The following SERPINA4 variants were observed in gnomAD, a reference collection of about 807,000 sequenced individuals.
SERPINA4 encodes the protein serpin family A member 4, also known as kallistatin.
SERPINA4 carries 24 observed loss-of-function variants against 25.4 expected under a neutral mutation model. The ratio of observed to expected loss-of-function variants is 0.95; its 90% CI spans 0.69 to 1.33. SERPINA4 has a LOEUF of 1.33. SERPINA4 is among the 40% of genes most tolerant of loss of function. SERPINA4 has a pLI of 0.00. For synonymous variants in SERPINA4, 242 were observed against 223.6 expected, an observed-to-expected ratio of 1.08 and a Z score of -0.73; for missense variants, 553 against 535.8, an observed-to-expected ratio of 1.03 and a Z score of -0.32.
chr14:94,569,445 A>T lies in SERPINA4; in HGVS notation c.1134A>T (p.Ala378=), dbSNP rs763980071. Residue 378 remains alanine, a synonymous_variant, in exon 5 of 5, where the codon GCA becomes GCT. Transcript: ENST00000557004. Reference sequence around the variant, plus strand: ...TGGATGAGGCTGGCACCGAGGCTGCAGCAGCCACCAGCTTCGCGATCAAAT... The same window carrying T: ...TGGATGAGGCTGGCACCGAGGCTGCTGCAGCCACCAGCTTCGCGATCAAAT... ...LDVDEAGTEA[A]AATSFAIKFF... is the part of the protein sequence containing the mutation. 7.6e-5 allele frequency: 123 copies of T among 1,614,074 alleles called. No homozygotes were observed. The highest frequency in any genetic ancestry group is 2.0e-4 in the Admixed American group (12 of 60,008).
intron 2 of SERPINA4, among the ~76,000 whole-genome samples, chr14:94,566,241 G>A (rs1042496038): frequency 6.6e-6 from 1 of 152,226 alleles, no homozygotes; most frequent in Non-Finnish European, 1.5e-5. Flanking sequence ...GCACCCAGCA[G>A]CTGAATGTGG....
At chr14:94,564,340 A>T (rs1380133217) in intron 2 of SERPINA4, among the ~76,000 whole-genome samples, 2 of 152,224 alleles carry the variant, frequency 1.3e-5, no homozygotes, top group African/African-American at 2.4e-5. Flanking sequence ...ATCTTTAGAC[A>T]TATTTTCTTC....
chr14:94,563,563 T>C lies in SERPINA4; in HGVS notation c.81T>C (p.Asp27=), dbSNP rs776596227. 3.7e-6 allele frequency: 6 copies of C among 1,613,984 alleles called. No homozygotes were observed. The African/African-American group carries it at 6.7e-5, about 18-fold the overall frequency. ...LSHGQLHVEH[D]GESCSNSSHQ... is the part of the protein sequence containing the mutation. ...ATGGCCAGCTGCACGTTGAGCATGA[T>C]GGTGAGAGTTGCAGTAACAGCTCCC... is the stretch of plus-strand genomic sequence containing the variant. Residue 27 remains aspartate (D), a synonymous_variant, in exon 2 of 5, where the codon GAT becomes GAC. Transcript: ENST00000557004.
rs1368854290 is a variant in SERPINA4, at chr14:94,567,085, T to A, written c.765T>A (p.Tyr255Ter). The change falls in exon 3 of 5, where the codon TAT becomes TAA. Residue 255 changes from tyrosine (Y) to a stop codon, truncating the protein, a stop_gained. Transcript: ENST00000557004. LOFTEE classifies it high-confidence loss of function. ...MMLQDQEHHW[Y>*]LHDRYLPCSV... is the part of the protein sequence containing the mutation. Reference sequence around the variant, plus strand: ...TGCAGGACCAGGAGCATCACTGGTATCTTCATGACAGATACTTGCCCTGCT... The same window carrying A: ...TGCAGGACCAGGAGCATCACTGGTAACTTCATGACAGATACTTGCCCTGCT... The A allele has an allele frequency of 6.2e-7, 1 of 1,614,246 alleles. No homozygotes were observed. The highest frequency in any genetic ancestry group is 1.1e-5 in the South Asian group (1 of 91,088).
chr14:94,563,367 T>C (rs1469760430), intron 1 of SERPINA4, 99 bp from the exon 2 acceptor site: 3 of 1,244,868 alleles, frequency 2.4e-6, no homozygotes, highest in East Asian at 4.7e-5. Flanking sequence ...GTTGAGGGTG[T>C]CACTCACGAT....
intron 3 of SERPINA4, among the ~76,000 whole-genome samples, chr14:94,567,475 G>C (rs528705354): frequency 7.0e-4 from 107 of 152,240 alleles, no homozygotes; most frequent in African/African-American, 2.0e-3. Context: ...CAGAGTCCTG[G>C]GTTCTAGACA....
chr14:94,568,008 T>G, intron 3 of SERPINA4, 121 bp from the exon 4 acceptor site: 1 of 979,140 alleles, frequency 1.0e-6, no homozygotes, highest in Non-Finnish European at 1.5e-6. Context: ...CCGAAGCTGT[T>G]TGTGGGGACA....
chr14:94,563,820 C>CT lies in SERPINA4; in HGVS notation c.339dup (p.Glu114Ter). On this transcript the variant is annotated frameshift_variant, in exon 2 of 5. Transcript: ENST00000557004. LOFTEE classifies it high-confidence loss of function. ...CTGGGCTTCAACCTCACCGAGCTGTCTGAGTCCGATGTCCATAGGGGCTTC... is the reference window on the plus strand; with the variant it reads ...CTGGGCTTCAACCTCACCGAGCTGTCTTGAGTCCGATGTCCATAGGGGCTTC... 1 of 1,614,234 alleles carries CT rather than the reference C, an allele frequency of 6.2e-7. No individual in the cohort carries two copies. Among genetic ancestry groups the CT allele is most frequent in the Non-Finnish European group, 8.5e-7 (1 of 1,180,054 alleles).
Position 94,563,518 on chromosome 14 carries a change from T to G in SERPINA4, c.36T>G (p.Val12=). The change falls in exon 2 of 5, where the codon GTT becomes GTG. Residue 12 remains valine (V), a synonymous_variant. Transcript: ENST00000557004. ...HLIDYLLLLL[V]GLLALSHGQL... ...TCGACTACCTGCTCCTCCTGCTGGT[T>G]GGACTACTGGCCCTTTCTCATGGCC... The G allele has an allele frequency of 1.2e-6, 2 of 1,613,946 alleles. No homozygotes were observed. The highest frequency in any genetic ancestry group is 1.7e-6 in the Non-Finnish European group (2 of 1,179,954).
chr14:94,568,424 C>A, intron 4 of SERPINA4, 136 bp downstream of exon 4: 1 of 897,080 alleles, frequency 1.1e-6, no homozygotes, highest in South Asian at 1.7e-5. Flanking sequence ...CAGGCATCAG[C>A]ATCCACCAAT....
intron 2 of SERPINA4, among the ~76,000 whole-genome samples, chr14:94,565,007 T>A (rs1213989892): frequency 6.6e-6 from 1 of 152,180 alleles, no homozygotes; most frequent in Non-Finnish European, 1.5e-5. Context: ...ACGGTGTGTA[T>A]TAGCCAGGGT....
intron 1 of SERPINA4, 195 bp downstream of exon 1, chr14:94,561,689 A>G: frequency 7.8e-7 from 1 of 1,289,430 alleles, no homozygotes; most frequent in African/African-American, 1.5e-5. Context: ...GCCCCGACTT[A>G]GGGTCCATGG....
At position 94,563,503 on chromosome 14, in the gene SERPINA4, G is replaced by A; in HGVS notation, c.21G>A (p.Leu7=). 1 of 1,613,330 alleles carries A rather than the reference G, an allele frequency of 6.2e-7. No individual in the cohort carries two copies. Among genetic ancestry groups the A allele is most frequent in the Non-Finnish European group, 8.5e-7 (1 of 1,179,634 alleles). Residue 7 remains leucine (L), a synonymous_variant, in exon 2 of 5, where the codon CTG becomes CTA. Transcript: ENST00000557004. MHLIDY[L]LLLLVGLLAL... ...AGAGGATGCATCTTATCGACTACCT[G>A]CTCCTCCTGCTGGTTGGACTACTGG...
rs542383947 is a variant in SERPINA4, at chr14:94,569,706, G to C, written c.*111G>C. The C allele has an allele frequency of 4.1e-6, 5 of 1,234,478 alleles. No individual in the cohort carries two copies. The African/African-American group carries it at 7.4e-5, about 18-fold the overall frequency. The allele number at this position is 1,234,478 out of a possible 1,614,324, so 76.5% of individuals were successfully genotyped here. On this transcript the variant is annotated 3_prime_UTR_variant, in exon 5 of 5. Transcript: ENST00000557004. ...GACAAGGATGACACCGAAGGTCCAG[G>C]AGTCCAGGACAGCAGGTGCTGGCCG... is the stretch of plus-strand genomic sequence containing the variant.
chr14:94,561,508 T>G lies in SERPINA4; in HGVS notation c.-18+14T>G. The G allele has an allele frequency of 6.0e-6, 3 of 500,294 alleles. No homozygotes were observed. The highest frequency in any genetic ancestry group is 9.6e-6 in the Non-Finnish European group (3 of 311,808). 31.0% of individuals were successfully genotyped at this position (500,294 alleles called of 1,614,324 possible). ...ACAGACTGTGCCGTGAGTAACCCCC[T>G]GAGACAATGGAGACGAGAGACTCTA... On this transcript the variant is annotated intron_variant, in intron 1 of 4. Transcript: ENST00000557004.
chr14:94,563,780 C>A lies in SERPINA4; in HGVS notation c.298C>A (p.Gln100Lys). Residue 100 changes from glutamine (Q) to lysine (K), a missense_variant, in exon 2 of 5, where the codon CAG becomes AAG. Gln to Lys is a moderately conservative substitution (Grantham distance 53). Coordinates refer to ENST00000557004, the MANE Select transcript of SERPINA4 (RefSeq NM_006215.4). Reference sequence around the variant, plus strand: ...GGGGGCCTGCTCACACAGCCGCAGCCAGATCCTTGAGGGCCTGGGCTTCAA... The same window carrying A: ...GGGGGCCTGCTCACACAGCCGCAGCAAGATCCTTGAGGGCCTGGGCTTCAA... Reference protein sequence around the residue: ...SLGACSHSRSQILEGLGFNLT... With the variant: ...SLGACSHSRSKILEGLGFNLT... 1 of 1,614,194 alleles carries A rather than the reference C, an allele frequency of 6.2e-7. No individual in the cohort carries two copies. The highest frequency in any genetic ancestry group is 8.5e-7 in the Non-Finnish European group (1 of 1,180,038).
chr14:94,569,779 A>G lies in SERPINA4; in HGVS notation c.*184A>G. On this transcript the variant is annotated 3_prime_UTR_variant, in exon 5 of 5. Transcript: ENST00000557004. Reference sequence around the variant, plus strand: ...GAGATGGGCAGGGCCTGGACATTCCACACCCTGGTGCTGTGCAGCCTCTGG... The same window carrying G: ...GAGATGGGCAGGGCCTGGACATTCCGCACCCTGGTGCTGTGCAGCCTCTGG... 1.6e-6 allele frequency: 1 copy of G among 633,364 alleles called. No individual in the cohort carries two copies. The highest frequency in any genetic ancestry group is 2.7e-6 in the Non-Finnish European group (1 of 365,044). 39.2% of individuals were successfully genotyped at this position (633,364 alleles called of 1,614,324 possible).
chr14:94,565,085 C>T (rs188348256), intron 2 of SERPINA4, among the ~76,000 whole-genome samples: 1 of 152,262 alleles, frequency 6.6e-6, no homozygotes, highest in Admixed American at 6.5e-5. Flanking sequence ...AGGCCCCACA[C>T]AATTGCGACT....
chr14:94,565,194 C>T (rs538396125), intron 2 of SERPINA4, among the ~76,000 whole-genome samples: 4 of 152,218 alleles, frequency 2.6e-5, no homozygotes, highest in Non-Finnish European at 5.9e-5. Flanking sequence ...ATCTATATGC[C>T]AGGCTCAACC....
Sources: allele counts gnomAD v4.1 joint callset (sites outside exome capture counted in the v4.1 genomes callset), GRCh38; gene constraint gnomAD v4.1.1; transcripts MANE v1.5; gene names NCBI Gene and HGNC (gene_info 2026-07-23, HGNC 2026-07-21).